C8orf34: variants seen among roughly 807,000 people sequenced by gnomAD.
C8orf34 encodes uncharacterized protein C8orf34.
In C8orf34, 65 loss-of-function variants were observed where a neutral mutation model predicts 68.3. That is an observed-to-expected ratio of 0.95 (90% CI 0.78 to 1.17). The LOEUF is 1.17. Ranked by LOEUF, C8orf34 falls within the 50% of genes most tolerant of loss-of-function variation. The pLI, the probability that C8orf34 is intolerant of heterozygous loss-of-function variation, is 0.00. For missense variants in C8orf34, 664 were observed against 655.4 expected (o/e 1.01, Z -0.14); for synonymous variants, 244 against 241.2 (o/e 1.01, Z -0.11).
rs777718252 is a variant in C8orf34 at position 68,468,821 on chromosome 8, G to C, written c.736+1G>C. On this transcript the variant is annotated splice_donor_variant, in intron 4 of 13. Coordinates refer to ENST00000518698, the MANE Select transcript of C8orf34 (RefSeq NM_052958.4). LOFTEE classifies it high-confidence loss of function. ...AAAGCCCTTGAGAATCTCTCTCGAA[G>C]TAAGTTCATTTACTTGATTATAATT... The C allele has an allele frequency of 1.9e-6, 3 of 1,608,114 alleles. No individual in the cohort carries two copies. The South Asian group carries it at 3.3e-5, about 18-fold the overall frequency.
intron 1 of C8orf34, among the ~76,000 whole-genome samples, chr8:68,389,589 G>T (rs1193863957): frequency 1.3e-5 from 2 of 152,070 alleles, no homozygotes; most frequent in Non-Finnish European, 2.9e-5. Flanking sequence ...AAGAGGCAGG[G>T]ATTTAATTTG....
intron 7 of C8orf34, among the ~76,000 whole-genome samples, chr8:68,541,357 T>C (rs1285009307): frequency 6.6e-6 from 1 of 151,984 alleles, no homozygotes; most frequent in Non-Finnish European, 1.5e-5. Context: ...TCCCAGCTAC[T>C]TGGGAAGCTG....
intron 4 of C8orf34, 128 bp from the exon 5 acceptor site, chr8:68,487,895 C>G (rs1813145297): frequency 3.4e-6 from 2 of 587,060 alleles, no homozygotes; most frequent in South Asian, 2.2e-5. Context: ...TATTTTGAAG[C>G]ACTAATAAAA....
chr8:68,546,559 CTAAA>C (rs565363339), intron 7 of C8orf34, among the ~76,000 whole-genome samples: 11 of 151,478 alleles, frequency 7.3e-5, no homozygotes, highest in Non-Finnish European at 1.2e-4. Context: ...ACATATTTCT[CTAAA>C]TAATTCATAG....
intron 2 of C8orf34, 99 bp from the exon 3 acceptor site, chr8:68,446,228 CTA>C: frequency 1.1e-6 from 1 of 892,338 alleles, no homozygotes; most frequent in South Asian, 1.8e-5. Flanking sequence ...ATGAGGTGAC[CTA>C]TATGTTTTGT....
At chr8:68,392,684 A>G (rs1808524211) in intron 1 of C8orf34, among the ~76,000 whole-genome samples, 1 of 152,120 alleles carries the variant, frequency 6.6e-6, no homozygotes, top group Non-Finnish European at 1.5e-5. Context: ...TATATAAAAA[A>G]TGGATAGCCT....
intron 3 of C8orf34, among the ~76,000 whole-genome samples, chr8:68,467,953 C>T (rs748870208): frequency 6.6e-5 from 10 of 151,806 alleles, no homozygotes; most frequent in African/African-American, 7.3e-5. Flanking sequence ...GACCTGTGCC[C>T]GACATTTAAT....
chr8:68,400,283 T>C (rs1563407082), intron 1 of C8orf34, among the ~76,000 whole-genome samples: 1 of 152,152 alleles, frequency 6.6e-6, no homozygotes, highest in Non-Finnish European at 1.5e-5. Context: ...TTTCTTTTAA[T>C]ATTTTTATAG....
At chr8:68,709,283 C>G (rs977869160) in intron 9 of C8orf34, among the ~76,000 whole-genome samples, 8 of 152,154 alleles carry the variant, frequency 5.3e-5, no homozygotes, top group African/African-American at 1.9e-4. Flanking sequence ...AGTGTGGATT[C>G]TGAGGAGTAA....
chr8:68,772,758 C>T (rs1823385601), intron 10 of C8orf34, among the ~76,000 whole-genome samples: 1 of 137,198 alleles, frequency 7.3e-6, no homozygotes, highest in Non-Finnish European at 1.5e-5. Flanking sequence ...TCTCTCCTTC[C>T]TTCTTTCCTT....
At chr8:68,699,029 G>A (rs7822704) in intron 8 of C8orf34, among the ~76,000 whole-genome samples, 4 of 151,792 alleles carry the variant, frequency 2.6e-5, no homozygotes, top group Admixed American at 6.6e-5. Flanking sequence ...ATACCCTGTC[G>A]GCAATATCAG....
At chr8:68,484,438 T>C (rs1812990475) in intron 4 of C8orf34, among the ~76,000 whole-genome samples, 3 of 152,194 alleles carry the variant, frequency 2.0e-5, no homozygotes, top group Admixed American at 6.5e-5. Context: ...AAGGACCATG[T>C]GTTCCAGTGC....
intron 10 of C8orf34, among the ~76,000 whole-genome samples, chr8:68,753,512 A>C (rs2129527714): frequency 6.6e-6 from 1 of 152,352 alleles, no homozygotes; most frequent in East Asian, 1.9e-4. Flanking sequence ...ATAGATTGGA[A>C]GAGTTAGATA....
intron 1 of C8orf34, among the ~76,000 whole-genome samples, chr8:68,384,643 T>G (rs1322880710): frequency 1.3e-5 from 2 of 152,234 alleles, no homozygotes; most frequent in Non-Finnish European, 2.9e-5. Flanking sequence ...TGTTGCTGAT[T>G]GCTCTCAGAT....
At chr8:68,406,747 G>C (rs1356587541) in intron 1 of C8orf34, among the ~76,000 whole-genome samples, 1 of 152,028 alleles carries the variant, frequency 6.6e-6, no homozygotes, top group African/African-American at 2.4e-5. Context: ...CACTCACCTC[G>C]GCCTCCCAAA....
At chr8:68,660,554 C>T (rs372292288) in intron 8 of C8orf34, among the ~76,000 whole-genome samples, 2 of 152,138 alleles carry the variant, frequency 1.3e-5, no homozygotes, top group Admixed American at 1.3e-4. Flanking sequence ...CCCCTACCCA[C>T]GTAATGGGGG....
intron 7 of C8orf34, among the ~76,000 whole-genome samples, chr8:68,605,964 G>A (rs951500720): frequency 2.6e-5 from 4 of 152,036 alleles, no homozygotes; most frequent in African/African-American, 9.7e-5. Context: ...GTGTGTGTGG[G>A]GGGCAGGAGG....
At chr8:68,417,797 G>A (rs1293445492) in intron 1 of C8orf34, among the ~76,000 whole-genome samples, 2 of 152,030 alleles carry the variant, frequency 1.3e-5, no homozygotes, top group Non-Finnish European at 2.9e-5. Context: ...GGTTCCATAT[G>A]AACATTAAAG....
chr8:68,399,771 C>T (rs530674960), intron 1 of C8orf34, among the ~76,000 whole-genome samples: 1 of 152,214 alleles, frequency 6.6e-6, no homozygotes, highest in African/African-American at 2.4e-5. Flanking sequence ...ATTACATCAC[C>T]ACCAACAGTG....
Sources: gnomAD v4.1 joint callset for allele counts (sites outside exome capture counted in the v4.1 genomes callset) on GRCh38, gnomAD v4.1.1 for gene constraint, MANE v1.5 for transcripts, NCBI Gene and HGNC (gene_info 2026-07-23, HGNC 2026-07-21) for gene names.